Variants in DMD observed in about 807,000 individuals in gnomAD.
DMD encodes dystrophin.
In DMD, 63 loss-of-function variants were observed where a neutral mutation model predicts 330.1. The ratio of observed to expected loss-of-function variants is 0.19; its 90% CI spans 0.16 to 0.24. The LOEUF (loss-of-function observed/expected upper bound fraction) is 0.24, where lower values mean the gene tolerates loss of function less well. Among genes scored for constraint, DMD ranks in the 10% least tolerant of loss-of-function variants. The probability of loss-of-function intolerance (pLI) is 1.00; values close to 1 mark genes in which losing one functional copy is unlikely to be tolerated. For synonymous variants in DMD, 1,223 were observed against 959.8 expected, an observed-to-expected ratio of 1.27 and a Z score of -5.07; for missense variants, 3,344 against 2,684.1, an observed-to-expected ratio of 1.25 and a Z score of -5.43.
chrX:32,285,275 G>A (rs1184852460), intron 43 of DMD, among the ~76,000 whole-genome samples: 1 of 111,229 alleles, frequency 9.0e-6, no homozygotes, highest in Non-Finnish European at 1.9e-5. Flanking sequence ...ACCAGAGGGG[G>A]AAGAACTTCC....
At chrX:32,350,863 C>T (rs2097779304) in intron 37 of DMD, among the ~76,000 whole-genome samples, 1 of 110,461 alleles carries the variant, frequency 9.1e-6, no homozygotes, top group South Asian at 3.8e-4. Flanking sequence ...TTTTGCAGGC[C>T]ATTTGGTGAT....
intron 7 of DMD, among the ~76,000 whole-genome samples, chrX:32,763,053 G>A (rs1210423115): frequency 9.0e-6 from 1 of 110,527 alleles, no homozygotes; most frequent in East Asian, 2.8e-4. Flanking sequence ...GCATTAATGG[G>A]GTCATTTATA....
At chrX:31,480,617 G>GT (rs1353637724) in intron 57 of DMD, among the ~76,000 whole-genome samples, 4 of 102,513 alleles carry the variant, frequency 3.9e-5, no homozygotes, top group African/African-American at 1.1e-4. Context: ...GTATTCTTGT[G>GT]TTTTTTTTCA....
At chrX:31,860,312 T>C (rs1043139050) in intron 48 of DMD, among the ~76,000 whole-genome samples, 2 of 112,424 alleles carry the variant, frequency 1.8e-5, no homozygotes, top group Non-Finnish European at 3.8e-5. Context: ...AAGAGAATGA[T>C]CTAGGAGAGA....
chrX:31,498,215 T>C (rs752872350), intron 56 of DMD, among the ~76,000 whole-genome samples: 10 of 112,366 alleles, frequency 8.9e-5, no homozygotes, highest in African/African-American at 3.2e-4. Flanking sequence ...AAAAATGTTA[T>C]ATATAGCATC....
intron 30 of DMD, among the ~76,000 whole-genome samples, chrX:32,392,598 TC>T (rs1340005901): frequency 1.8e-5 from 2 of 111,379 alleles, no homozygotes; most frequent in Non-Finnish European, 3.8e-5. Flanking sequence ...CAATAATAGC[TC>T]CCACAGCACA....
chrX:31,824,417 C>A (rs770375225), intron 49 of DMD, among the ~76,000 whole-genome samples: 1 of 110,449 alleles, frequency 9.1e-6, no homozygotes, highest in South Asian at 3.9e-4. Context: ...CTCGCACCAC[C>A]ACACCCGGGT....
chrX:32,199,946 G>A (rs1373129071), intron 44 of DMD, among the ~76,000 whole-genome samples: 2 of 110,539 alleles, frequency 1.8e-5, no homozygotes, highest in African/African-American at 6.6e-5. Flanking sequence ...GAACCACCAT[G>A]CTTGGCCAGG....
rs761238302 is a variant in DMD at position 33,101,022 on chromosome X, G to A, written c.32-80822C>T. ...AGTATATTCTGTAGCCATGTGACAA[G>A]TGTGGGACCAGAAGAGCAGTTAGTG... On this transcript the variant is annotated intron_variant, in intron 1 of 78. Coordinates refer to ENST00000357033, the MANE Select transcript of DMD (RefSeq NM_004006.3). 3.6e-5 allele frequency among the ~76,000 whole-genome samples: 4 copies of A among 112,238 alleles called. No homozygotes were observed. In the East Asian group the frequency reaches 8.5e-4, roughly 24 times the overall value.
chrX:33,294,139 T>C (rs1032041850), intron 1 of DMD, among the ~76,000 whole-genome samples: 1 of 111,510 alleles, frequency 9.0e-6, no homozygotes, highest in Non-Finnish European at 1.9e-5. Flanking sequence ...GGGGTGGGGA[T>C]TGTTGCTCAA....
intron 41 of DMD, among the ~76,000 whole-genome samples, chrX:32,331,060 G>A (rs2097676964): frequency 8.9e-6 from 1 of 111,763 alleles, no homozygotes; most frequent in Admixed American, 9.5e-5. Flanking sequence ...TAGGAAACCT[G>A]CTTGACAAAT....
intron 15 of DMD, among the ~76,000 whole-genome samples, chrX:32,571,799 G>A (rs1375695131): frequency 5.4e-5 from 6 of 111,485 alleles, no homozygotes; most frequent in Admixed American, 9.6e-5. Context: ...CAAATGAAAT[G>A]TCTAGGAACC....
At chrX:33,307,339 A>G (rs2053777749) in intron 1 of DMD, among the ~76,000 whole-genome samples, 1 of 111,984 alleles carries the variant, frequency 8.9e-6, no homozygotes, top group Non-Finnish European at 1.9e-5. Flanking sequence ...AATTTTGTAA[A>G]AATAAATAAA....
intron 61 of DMD, among the ~76,000 whole-genome samples, chrX:31,344,809 C>CT (rs1334530124): frequency 9.0e-6 from 1 of 110,552 alleles, no homozygotes; most frequent in Admixed American, 9.7e-5. Flanking sequence ...TGAGATTGCA[C>CT]TCTGTCTCAA....
At chrX:31,898,027 A>T (rs2094369405) in intron 47 of DMD, among the ~76,000 whole-genome samples, 1 of 110,604 alleles carries the variant, frequency 9.0e-6, no homozygotes, top group Non-Finnish European at 1.9e-5. Flanking sequence ...GTAATGCCTC[A>T]AGAGAATAAA....
chrX:32,394,916 C>CAAAACAAAACAAAAAAAAAAAAAA (rs2098030291), intron 30 of DMD, among the ~76,000 whole-genome samples: 2 of 39,034 alleles, frequency 5.1e-5, no homozygotes, highest in African/African-American at 1.6e-4. Context: ...AACAAAAAAA[C>CAAAACAAAACAAAAAAAAAAAAAA]AAAAAAAAAA....
intron 15 of DMD, among the ~76,000 whole-genome samples, chrX:32,570,367 A>G (rs1259918460): frequency 3.7e-5 from 4 of 108,859 alleles, no homozygotes; most frequent in Non-Finnish European, 7.6e-5. Flanking sequence ...GGCTTAAACT[A>G]TCAAATGACA....
chrX:32,305,188 C>T (rs1192261093), intron 42 of DMD, among the ~76,000 whole-genome samples: 1 of 111,542 alleles, frequency 9.0e-6, no homozygotes, highest in African/African-American at 3.2e-5. Context: ...GAAAAGCAGT[C>T]ACTTTGCTCA....
chrX:32,746,509 C>T (rs2148235746), intron 7 of DMD, among the ~76,000 whole-genome samples: 1 of 111,767 alleles, frequency 8.9e-6, no homozygotes, highest in East Asian at 2.8e-4. Context: ...AGGACTCTCC[C>T]AGACTTACTT....
Sources: allele counts gnomAD v4.1 joint callset (sites outside exome capture counted in the v4.1 genomes callset), GRCh38; gene constraint gnomAD v4.1.1; transcripts MANE v1.5; gene names NCBI Gene and HGNC (gene_info 2026-07-23, HGNC 2026-07-21).